Variants in ABCA10 observed in about 807,000 individuals in gnomAD.
The protein encoded by ABCA10 is ATP-binding cassette sub-family A member 10.
ABCA10 carries 169 observed loss-of-function variants against 187.5 expected under a neutral mutation model. The observed-to-expected ratio is 0.90, with a 90% CI of 0.80 to 1.02. ABCA10 has a LOEUF of 1.02. Among genes scored for constraint, ABCA10 ranks in the 50% least tolerant of loss-of-function variants. The pLI, the probability that ABCA10 is intolerant of heterozygous loss-of-function variation, is 0.00. For synonymous variants in ABCA10, 574 were observed against 601.8 expected, an observed-to-expected ratio of 0.95 and a Z score of 0.68; for missense variants, 1,727 against 1,812.4, an observed-to-expected ratio of 0.95 and a Z score of 0.86.
chr17:69,202,774 T>C (rs955853284), intron 9 of ABCA10, among the ~76,000 whole-genome samples: 1 of 65,180 alleles, frequency 1.5e-5, no homozygotes, highest in African/African-American at 8.3e-5. Context: ...GACAGTTAAA[T>C]GGACATATCT....
chr17:69,240,097 T>G (rs1355473488), intron 1 of ABCA10, among the ~76,000 whole-genome samples: 1 of 152,218 alleles, frequency 6.6e-6, no homozygotes, highest in Non-Finnish European at 1.5e-5. Context: ...GTACTCTGAA[T>G]AAACTCTTAT....
intron 24 of ABCA10, 58 bp downstream of exon 24, chr17:69,174,549 T>C: frequency 1.4e-5 from 21 of 1,494,038 alleles, no homozygotes; most frequent in Non-Finnish European, 1.9e-5. Context: ...TTCATGAAAA[T>C]GAATTTTCAT....
At chr17:69,177,068 T>G (rs2144782811) in intron 22 of ABCA10, among the ~76,000 whole-genome samples, 1 of 152,300 alleles carries the variant, frequency 6.6e-6, no homozygotes, top group Admixed American at 6.5e-5. Context: ...GTATGCATTA[T>G]CTCCATCTAC....
At chr17:69,217,549 A>G (rs542314591) in intron 6 of ABCA10, among the ~76,000 whole-genome samples, 81 of 152,362 alleles carry the variant, frequency 5.3e-4, no homozygotes, top group African/African-American at 1.9e-3. Flanking sequence ...AAACAGAAAT[A>G]CATCCATGCC....
At chr17:69,192,928 A>G (rs2074471847) in intron 15 of ABCA10, among the ~76,000 whole-genome samples, 182 bp downstream of exon 15, 1 of 152,210 alleles carries the variant, frequency 6.6e-6, no homozygotes, top group African/African-American at 2.4e-5. Flanking sequence ...ATACTTTGCC[A>G]TGTAACTTTG....
At chr17:69,203,035 A>G (rs2074559828) in intron 9 of ABCA10, among the ~76,000 whole-genome samples, 1 of 152,242 alleles carries the variant, frequency 6.6e-6, no homozygotes, top group African/African-American at 2.4e-5. Context: ...AAGGAAGAAG[A>G]GACACAACAT....
intron 22 of ABCA10, among the ~76,000 whole-genome samples, chr17:69,176,748 T>C (rs754608980): frequency 6.6e-6 from 1 of 152,186 alleles, no homozygotes; most frequent in African/African-American, 2.4e-5. Flanking sequence ...GACTTCATCA[T>C]GCTACTCAGA....
chr17:69,155,294 T>C (rs566042247), intron 29 of ABCA10, among the ~76,000 whole-genome samples, 158 bp from the exon 30 acceptor site: 1 of 152,312 alleles, frequency 6.6e-6, no homozygotes, highest in African/African-American at 2.4e-5. Context: ...CAAATGTATG[T>C]TCATAAATAA....
chr17:69,161,454 G>T (rs77239079), intron 27 of ABCA10, among the ~76,000 whole-genome samples: 82 of 152,178 alleles, frequency 5.4e-4, no homozygotes, highest in African/African-American at 1.9e-3. Context: ...AAAAATAATT[G>T]CAGTTGTTTT....
At chr17:69,201,464 C>A (rs2074543914) in intron 10 of ABCA10, 36 bp downstream of exon 10, 1 of 1,484,904 alleles carries the variant, frequency 6.7e-7, no homozygotes, top group Admixed American at 2.4e-5. Context: ...AAGCTTTTAC[C>A]TATAAGTGTA....
At chr17:69,200,211 A>C (rs7217887) in intron 10 of ABCA10, among the ~76,000 whole-genome samples, 1 of 152,040 alleles carries the variant, frequency 6.6e-6, no homozygotes, top group Non-Finnish European at 1.5e-5. Context: ...ACCTAGCAAT[A>C]GGCCATGTAA....
At chr17:69,188,572 T>C (rs182350621) in intron 18 of ABCA10, among the ~76,000 whole-genome samples, 1 of 151,600 alleles carries the variant, frequency 6.6e-6, no homozygotes, top group Admixed American at 6.6e-5. Flanking sequence ...GTCATTTAGG[T>C]GCAGGCTTGT....
At chr17:69,197,218 G>A in intron 10 of ABCA10, 96 bp from the exon 11 acceptor site, 7 of 956,082 alleles carry the variant, frequency 7.3e-6, no homozygotes, top group African/African-American at 1.6e-5. Flanking sequence ...CACAGTAAAG[G>A]GTATCACTCT....
chr17:69,175,369 A>G (rs2074326490), intron 23 of ABCA10, 37 bp downstream of exon 23: 1 of 1,555,828 alleles, frequency 6.4e-7, no homozygotes, highest in African/African-American at 1.4e-5. Flanking sequence ...GTCAAATAAA[A>G]TCAATCTCAA....
At chr17:69,218,085 T>C (rs1445679202) in intron 6 of ABCA10, among the ~76,000 whole-genome samples, 1 of 152,166 alleles carries the variant, frequency 6.6e-6, no homozygotes. Context: ...TTACACACTG[T>C]ATACATGTAT....
In ABCA10 at chr17:69,201,565, A is replaced by G. The variant is rs1455176127; in HGVS notation, c.1110T>C (p.Pro370=). Residue 370 remains proline, a synonymous_variant, in exon 10 of 39, where the codon CCT becomes CCC. Coordinates refer to ENST00000690296, the MANE Select transcript of ABCA10 (RefSeq NM_001377321.1). ...CAAAAGAATCATCAGAGGAATGCTCAGGATTTATTTCATTCTCAAAGATTT... is the reference window on the plus strand; with the variant it reads ...CAAAAGAATCATCAGAGGAATGCTCGGGATTTATTTCATTCTCAAAGATTT... ...HHEIFENEIN[P]EHSSDDSFEP... is the part of the protein sequence containing the mutation. 1.2e-6 allele frequency: 2 copies of G among 1,612,546 alleles called. No homozygotes were observed. The highest frequency in any genetic ancestry group is 8.5e-7 in the Non-Finnish European group (1 of 1,179,598).
At chr17:69,228,175 CAG>C (rs946446134) in intron 1 of ABCA10, among the ~76,000 whole-genome samples, 8 of 151,916 alleles carry the variant, frequency 5.3e-5, no homozygotes, top group African/African-American at 1.9e-4. Flanking sequence ...TTTATGGATA[CAG>C]AGGTCTACTT....
intron 9 of ABCA10, among the ~76,000 whole-genome samples, chr17:69,213,243 A>G (rs1322981484): frequency 2.6e-5 from 4 of 152,116 alleles, no homozygotes; most frequent in African/African-American, 9.7e-5. Flanking sequence ...CTGGTTTCTC[A>G]GGCTATGGGT....
chr17:69,217,325 T>C (rs1015789387), intron 6 of ABCA10, among the ~76,000 whole-genome samples: 1 of 151,992 alleles, frequency 6.6e-6, no homozygotes, highest in African/African-American at 2.4e-5. Flanking sequence ...AGCCAAAACA[T>C]TGTTGCTTTT....
Sources: allele counts gnomAD v4.1 joint callset (sites outside exome capture counted in the v4.1 genomes callset), GRCh38; gene constraint gnomAD v4.1.1; transcripts MANE v1.5; gene names NCBI Gene and HGNC (gene_info 2026-07-23, HGNC 2026-07-21).